Variants in MACROD2 observed in about 807,000 individuals in gnomAD.
MACROD2 encodes the protein mono-ADP ribosylhydrolase 2, also known as ADP-ribose glycohydrolase MACROD2.
A neutral mutation model predicts 70.4 loss-of-function variants in MACROD2; 36 were observed. That is an observed-to-expected ratio of 0.51 (90% CI 0.39 to 0.68). The LOEUF (loss-of-function observed/expected upper bound fraction) is 0.68, where lower values mean the gene tolerates loss of function less well. Among genes scored for constraint, MACROD2 ranks in the 30% least tolerant of loss-of-function variants. MACROD2 has a pLI of 0.00. For missense variants in MACROD2, 496 were observed against 538.4 expected (o/e 0.92, Z 0.78); for synonymous variants, 172 against 178.8 (o/e 0.96, Z 0.30).
At chr20:14,043,112 G>A (rs544767092) in intron 2 of MACROD2, among the ~76,000 whole-genome samples, 2 of 152,142 alleles carry the variant, frequency 1.3e-5, no homozygotes, top group South Asian at 2.1e-4. Flanking sequence ...TAGAGATGGG[G>A]TCTTACTATG....
intron 5 of MACROD2, among the ~76,000 whole-genome samples, chr20:14,849,202 T>C (rs2073173300): frequency 6.6e-6 from 1 of 152,204 alleles, no homozygotes; most frequent in Non-Finnish European, 1.5e-5. Context: ...TATGAAAACA[T>C]GGGCATCTTT....
intron 4 of MACROD2, among the ~76,000 whole-genome samples, chr20:14,578,397 G>A (rs1368035386): frequency 6.6e-6 from 1 of 152,022 alleles, no homozygotes; most frequent in African/African-American, 2.4e-5. Context: ...TATATTGTAG[G>A]CAGGGATTTT....
chr20:14,543,620 G>A (rs2085458936), intron 4 of MACROD2, among the ~76,000 whole-genome samples: 1 of 152,126 alleles, frequency 6.6e-6, no homozygotes, highest in African/African-American at 2.4e-5. Flanking sequence ...ATAGGAGGTT[G>A]TAGAACTATT....
At chr20:15,758,751 C>G (rs114262648) in intron 8 of MACROD2, among the ~76,000 whole-genome samples, 1 of 151,998 alleles carries the variant, frequency 6.6e-6, no homozygotes, top group African/African-American at 2.4e-5. Flanking sequence ...CCATCTTGCC[C>G]AGGATGGTCT....
chr20:14,533,558 TG>T (rs2123212923), intron 4 of MACROD2, among the ~76,000 whole-genome samples: 1 of 152,294 alleles, frequency 6.6e-6, no homozygotes, highest in East Asian at 1.9e-4. Flanking sequence ...AAAAAGAGGA[TG>T]AAAAGTAACA....
chr20:14,889,293 C>T (rs2073721037), intron 5 of MACROD2, among the ~76,000 whole-genome samples: 2 of 152,012 alleles, frequency 1.3e-5, no homozygotes, highest in Non-Finnish European at 2.9e-5. Flanking sequence ...GATCTCTGCC[C>T]TCATGAAACT....
chr20:16,050,263 A>G lies in MACROD2; in HGVS notation c.*387A>G, dbSNP rs928255703. ...GGTCACACAGTGGTTTATTCAAAGG[A>G]AGGGGAGGAAGACAGTGGTTTGATA... On this transcript the variant is annotated 3_prime_UTR_variant, in exon 18 of 18. Coordinates refer to ENST00000684519, the MANE Select transcript of MACROD2 (RefSeq NM_001351661.2). 8.5e-5 allele frequency: 14 copies of G among 164,964 alleles called. No individual in the cohort carries two copies. The Admixed American group carries it at 8.9e-4, about 10-fold the overall frequency. The allele number at this position is 164,964 out of a possible 1,614,324, so 10.2% of individuals were successfully genotyped here.
intron 2 of MACROD2, among the ~76,000 whole-genome samples, chr20:14,069,991 A>T (rs2053817024): frequency 6.6e-6 from 1 of 152,212 alleles, no homozygotes; most frequent in Non-Finnish European, 1.5e-5. Flanking sequence ...CAGCCTGACT[A>T]CTGCCAGCCA....
intron 3 of MACROD2, among the ~76,000 whole-genome samples, chr20:14,290,459 C>T (rs1430381043): frequency 6.6e-6 from 1 of 151,934 alleles, no homozygotes; most frequent in Non-Finnish European, 1.5e-5. Context: ...CACAGCCAAC[C>T]TCAGATCAAA....
chr20:15,970,728 A>T (rs2066217214), intron 13 of MACROD2, among the ~76,000 whole-genome samples: 1 of 152,178 alleles, frequency 6.6e-6, no homozygotes, highest in Non-Finnish European at 1.5e-5. Context: ...CTACAGAAGG[A>T]ACTCCTCAGT....
At chr20:15,195,720 C>T (rs1346268945) in intron 5 of MACROD2, among the ~76,000 whole-genome samples, 2 of 152,080 alleles carry the variant, frequency 1.3e-5, no homozygotes, top group East Asian at 1.9e-4. Context: ...CCGAGCAAAC[C>T]CATTACTGGA....
chr20:15,682,238 C>A (rs1479681080), intron 8 of MACROD2, among the ~76,000 whole-genome samples: 1 of 152,142 alleles, frequency 6.6e-6, no homozygotes, highest in Non-Finnish European at 1.5e-5. Flanking sequence ...AAAGTAGGAA[C>A]CCACATTTCA....
At chr20:14,108,975 C>T (rs2054409572) in intron 3 of MACROD2, among the ~76,000 whole-genome samples, 1 of 152,038 alleles carries the variant, frequency 6.6e-6, no homozygotes, top group Admixed American at 6.6e-5. Flanking sequence ...GTCTTTTCCT[C>T]AGCACGTGGA....
intron 5 of MACROD2, among the ~76,000 whole-genome samples, chr20:15,141,969 A>G (rs2076195311): frequency 6.6e-6 from 1 of 152,140 alleles, no homozygotes; most frequent in African/African-American, 2.4e-5. Flanking sequence ...CGCTTCTTTA[A>G]GGTTCACCTG....
chr20:15,494,736 G>GGT (rs550716316), intron 7 of MACROD2, among the ~76,000 whole-genome samples: 6,734 of 110,072 alleles, frequency 0.061, 228 homozygotes, highest in East Asian at 0.17. Flanking sequence ...TGCATAATGG[G>GGT]GTGTGTGTGT....
chr20:16,045,401 G>A (rs1302237975), intron 17 of MACROD2, among the ~76,000 whole-genome samples: 5 of 152,112 alleles, frequency 3.3e-5, no homozygotes, highest in Non-Finnish European at 5.9e-5. Flanking sequence ...AAGAGACAAC[G>A]TGTTGAGGCA....
intron 8 of MACROD2, among the ~76,000 whole-genome samples, chr20:15,516,105 T>C (rs1037372914): frequency 6.6e-6 from 1 of 152,212 alleles, no homozygotes; most frequent in South Asian, 2.1e-4. Flanking sequence ...CAGACAACCT[T>C]GGTCTTTAGG....
intron 5 of MACROD2, among the ~76,000 whole-genome samples, chr20:15,069,691 TC>T (rs1398308447): frequency 6.6e-6 from 1 of 152,212 alleles, no homozygotes; most frequent in Non-Finnish European, 1.5e-5. Flanking sequence ...CTTGGTGAGT[TC>T]CATGTGTTGC....
Position 14,348,291 on chromosome 20 carries a change from T to A in MACROD2, c.272-145188T>A, listed in dbSNP as rs867185427. Among the ~76,000 whole-genome samples the A allele has an allele frequency of 9.9e-4, 136 of 137,580 alleles. 1 individual carries two copies. Among genetic ancestry groups the A allele is most frequent in the African/African-American group, 3.1e-3 (113 of 37,046 alleles). 90.3% of individuals were successfully genotyped at this position (137,580 alleles called of 152,430 possible). A position where few individuals can be genotyped will look rare whatever the true frequency, so the allele number is the denominator to read the frequency against. On this transcript the variant is annotated intron_variant, in intron 3 of 17. Transcript: ENST00000684519. Reference sequence around the variant, plus strand: ...CTCAAAAAAAAAAAAATAAATAAAATAAAGAAAGAAAGAAAGAAAAGAAAA... The same window carrying A: ...CTCAAAAAAAAAAAAATAAATAAAAAAAAGAAAGAAAGAAAGAAAAGAAAA...
Sources: allele counts gnomAD v4.1 joint callset (sites outside exome capture counted in the v4.1 genomes callset), GRCh38; gene constraint gnomAD v4.1.1; transcripts MANE v1.5; gene names NCBI Gene and HGNC (gene_info 2026-07-23, HGNC 2026-07-21).